Variants in KLRG2 observed in about 807,000 individuals in gnomAD.
KLRG2 encodes the protein killer cell lectin-like receptor subfamily G member 2.
Under a neutral mutation model 35.4 loss-of-function variants are expected in KLRG2, and 39 were observed. The observed-to-expected ratio is 1.10, with a 90% CI of 0.85 to 1.44. The LOEUF (loss-of-function observed/expected upper bound fraction) is 1.44. KLRG2 is among the 40% of genes most tolerant of loss of function. The pLI, the probability that KLRG2 is intolerant of heterozygous loss-of-function variation, is 0.00. For synonymous variants in KLRG2, 283 were observed against 265.8 expected, an observed-to-expected ratio of 1.06 and a Z score of -0.63; for missense variants, 632 against 570.9, an observed-to-expected ratio of 1.11 and a Z score of -1.09.
At chr7:139,433,102 A>G in the KLRG2 span, among the ~76,000 whole-genome samples, 1 of 152,278 alleles carries the variant, frequency 6.6e-6, no homozygotes, top group African/African-American at 2.4e-5. Flanking sequence ...AGTTCTAAAT[A>G]ATGTTTATAC....
chr7:139,451,147 A>T (rs1226706003), downstream of KLRG2, among the ~76,000 whole-genome samples: 1 of 152,220 alleles, frequency 6.6e-6, no homozygotes, highest in African/African-American at 2.4e-5. Context: ...AATCCATAGA[A>T]GGAAGGGGGA....
At chr7:139,462,989 C>G (rs1336661266) in intron 3 of KLRG2, among the ~76,000 whole-genome samples, 2 of 152,152 alleles carry the variant, frequency 1.3e-5, no homozygotes, top group Non-Finnish European at 2.9e-5. Context: ...ACCCTATAAT[C>G]CTTTTATCAC....
intron 3 of KLRG2, among the ~76,000 whole-genome samples, chr7:139,463,103 T>C (rs1052501887): frequency 5.3e-5 from 8 of 152,180 alleles, no homozygotes; most frequent in Admixed American, 2.6e-4. Context: ...GCCAAAGGCA[T>C]GGTCAAGGTT....
downstream of KLRG2, among the ~76,000 whole-genome samples, chr7:139,449,712 T>C (rs929656225): frequency 5.7e-3 from 811 of 143,386 alleles, 5 homozygotes; most frequent in African/African-American, 0.02. Flanking sequence ...TTTTTTTTTT[T>C]TTTTTGAGAC....
intron 4 of KLRG2, among the ~76,000 whole-genome samples, chr7:139,453,909 A>G (rs1796413023): frequency 6.6e-6 from 1 of 152,166 alleles, no homozygotes; most frequent in East Asian, 1.9e-4. Flanking sequence ...AATGGGGGTG[A>G]CAACCCTGCT....
downstream of KLRG2, among the ~76,000 whole-genome samples, chr7:139,448,012 G>A (rs1294503833): frequency 6.6e-6 from 1 of 151,858 alleles, no homozygotes; most frequent in East Asian, 1.9e-4. Context: ...TTTCTTGTCA[G>A]ACAGACAGGT....
At position 139,482,934 on chromosome 7, in the gene KLRG2, C is replaced by T. The variant is rs201522918; in HGVS notation, c.709G>A (p.Ala237Thr). ...EKEDAALLPR[A>T]GLDGDEKLPR... is the part of the protein sequence containing the mutation. ...AGCTTCTCGTCGCCGTCCAACCCCGCGCGGGGCAACAGCGCCGCATCCTCC... is the reference window on the plus strand; with the variant it reads ...AGCTTCTCGTCGCCGTCCAACCCCGTGCGGGGCAACAGCGCCGCATCCTCC... Residue 237 changes from alanine (A) to threonine (T), a missense_variant, in exon 1 of 5, where the codon GCG becomes ACG. Coordinates refer to ENST00000340940, the MANE Select transcript of KLRG2 (RefSeq NM_198508.4). 8 of 1,493,790 alleles carry T rather than the reference C, an allele frequency of 5.4e-6. No individual in the cohort carries two copies. The highest frequency in any genetic ancestry group is 1.5e-5 in the African/African-American group (1 of 68,960). 92.5% of individuals were successfully genotyped at this position (1,493,790 alleles called of 1,614,324 possible).
At chr7:139,469,886 G>A (rs1796727335) in intron 3 of KLRG2, among the ~76,000 whole-genome samples, 1 of 152,214 alleles carries the variant, frequency 6.6e-6, no homozygotes, top group African/African-American at 2.4e-5. Flanking sequence ...TCCAGCACAC[G>A]GTCAGGACAC....
intron 3 of KLRG2, among the ~76,000 whole-genome samples, chr7:139,458,301 C>G (rs773591346): frequency 6.6e-6 from 1 of 151,924 alleles, no homozygotes; most frequent in Non-Finnish European, 1.5e-5. Flanking sequence ...TGGCTTGACC[C>G]CGGGAGGTCG....
rs114562285 is a variant in KLRG2 at position 139,454,086 on chromosome 7, G to A, written c.1109+25C>T. On this transcript the variant is annotated intron_variant, in intron 4 of 4. Transcript: ENST00000340940. ...ATGGAGGATCCAGAACAGCAGAGGAGGGAGAAAAGCCCGTGGTCACTCACA... is the reference window on the plus strand; with the variant it reads ...ATGGAGGATCCAGAACAGCAGAGGAAGGAGAAAAGCCCGTGGTCACTCACA... 3.6e-3 allele frequency: 4,745 copies of A among 1,300,590 alleles called. 141 individuals carry two copies. The African/African-American group carries it at 0.063, about 17-fold the overall frequency. The allele number at this position is 1,300,590 out of a possible 1,614,324, so 80.6% of individuals were successfully genotyped here. A position where few individuals can be genotyped will look rare whatever the true frequency, so the allele number is the denominator to read the frequency against.
downstream of KLRG2, among the ~76,000 whole-genome samples, chr7:139,450,656 T>C (rs1796365344): frequency 1.3e-5 from 2 of 152,244 alleles, no homozygotes; most frequent in Non-Finnish European, 2.9e-5. Context: ...GTTAGTTTTT[T>C]AGTTATACCT....
intron 3 of KLRG2, among the ~76,000 whole-genome samples, chr7:139,456,926 C>T (rs1262568710): frequency 2.2e-5 from 3 of 135,642 alleles, no homozygotes; most frequent in South Asian, 2.2e-4. Context: ...TGCCTCCCCG[C>T]GCTCACTGCC....
intron 3 of KLRG2, among the ~76,000 whole-genome samples, chr7:139,466,381 A>T (rs1796654263): frequency 6.6e-6 from 1 of 152,030 alleles, no homozygotes. Flanking sequence ...CTGATAATGG[A>T]CCGGCCTTTA....
At chr7:139,454,573 T>G (rs1374628575) in intron 3 of KLRG2, among the ~76,000 whole-genome samples, 2 of 151,544 alleles carry the variant, frequency 1.3e-5, no homozygotes, top group African/African-American at 4.9e-5. Context: ...CCCAGCACAT[T>G]GGGAGGCCGA....
At chr7:139,465,691 C>CAA (rs573464243) in intron 3 of KLRG2, among the ~76,000 whole-genome samples, 3,390 of 94,900 alleles carry the variant, frequency 0.036, 154 homozygotes, top group African/African-American at 0.11. Context: ...GACTCTGTCT[C>CAA]AAAAAAAAAA....
At chr7:139,436,798 A>G in the KLRG2 span, among the ~76,000 whole-genome samples, 2 of 152,348 alleles carry the variant, frequency 1.3e-5, no homozygotes, top group African/African-American at 4.8e-5. Context: ...TGGAAATTCC[A>G]TGCGCTCTAT....
chr7:139,480,514 C>T (rs184732877), intron 1 of KLRG2, among the ~76,000 whole-genome samples: 186 of 137,594 alleles, frequency 1.4e-3, no homozygotes, highest in African/African-American at 4.2e-3. Flanking sequence ...GGTGCGATCT[C>T]GGCTCACTGC....
At chr7:139,482,815 G>A in intron 1 of KLRG2, 71 bp downstream of exon 1, 1 of 1,306,128 alleles carries the variant, frequency 7.7e-7, no homozygotes, top group Non-Finnish European at 9.8e-7. Flanking sequence ...CCAGGGCTGG[G>A]CGGGTGTGGG....
intron 3 of KLRG2, among the ~76,000 whole-genome samples, chr7:139,454,819 AAATAATAATAATAATAATAATAAT>A (rs34409730): frequency 0.024 from 3,341 of 140,538 alleles, 135 homozygotes; most frequent in African/African-American, 0.081. Context: ...TTCTATCTCA[AAATAATAATAATAATAATAATAAT>A]AATAATAATA....
Sources: gnomAD v4.1 joint callset for allele counts (sites outside exome capture counted in the v4.1 genomes callset) on GRCh38, gnomAD v4.1.1 for gene constraint, MANE v1.5 for transcripts, NCBI Gene and HGNC (gene_info 2026-07-23, HGNC 2026-07-21) for gene names.